Variants in CEP112 observed in about 807,000 individuals in gnomAD.
CEP112 encodes the protein centrosomal protein of 112 kDa.
A neutral mutation model predicts 153.0 loss-of-function variants in CEP112; 127 were observed. The observed-to-expected ratio is 0.83, with a 90% CI of 0.72 to 0.96. CEP112 has a LOEUF of 0.96. CEP112 is among the 40% of genes least tolerant of loss of function. The pLI is 0.00. For synonymous variants in CEP112, 358 were observed against 374.4 expected, an observed-to-expected ratio of 0.96 and a Z score of 0.51; for missense variants, 1,089 against 1,101.2, an observed-to-expected ratio of 0.99 and a Z score of 0.16.
intron 20 of CEP112, among the ~76,000 whole-genome samples, chr17:65,892,249 A>T (rs2059494207): frequency 6.6e-6 from 1 of 152,208 alleles, no homozygotes; most frequent in Non-Finnish European, 1.5e-5. Flanking sequence ...AATGAAATGA[A>T]GTTGAAAAAA....
chr17:65,826,145 T>A (rs759102227), intron 21 of CEP112: 4 of 1,613,894 alleles, frequency 2.5e-6, no homozygotes, highest in Non-Finnish European at 3.4e-6. Flanking sequence ...TACCTTCTTC[T>A]CTTTGAGGTT....
intron 11 of CEP112, among the ~76,000 whole-genome samples, chr17:66,058,998 AAAT>A (rs1262221818): frequency 1.3e-5 from 2 of 152,200 alleles, no homozygotes; most frequent in Non-Finnish European, 2.9e-5. Flanking sequence ...GAGAACCCAG[AAAT>A]AATGATGCAC....
At chr17:65,848,148 C>G (rs2057794912) in intron 21 of CEP112, among the ~76,000 whole-genome samples, 1 of 152,166 alleles carries the variant, frequency 6.6e-6, no homozygotes, top group Non-Finnish European at 1.5e-5. Context: ...ATGTTCAGCC[C>G]CAAAATATAT....
chr17:66,089,543 A>C (rs1249867030), intron 8 of CEP112, among the ~76,000 whole-genome samples: 5 of 152,196 alleles, frequency 3.3e-5, no homozygotes, highest in African/African-American at 4.8e-5. Flanking sequence ...GAAAAGAAAA[A>C]TATAACAGCA....
intron 18 of CEP112, 48 bp downstream of exon 18, chr17:65,961,415 C>T (rs1231753523): frequency 6.5e-7 from 1 of 1,527,370 alleles, no homozygotes; most frequent in East Asian, 2.3e-5. Flanking sequence ...ATGTACCTTC[C>T]TACTGAGAGA....
intron 21 of CEP112, among the ~76,000 whole-genome samples, chr17:65,789,676 T>C (rs1214958470): frequency 8.0e-6 from 1 of 125,498 alleles, no homozygotes; most frequent in African/African-American, 2.9e-5. Flanking sequence ...CTTAATCATC[T>C]TGCAATAATC....
chr17:65,925,918 G>A (rs912234868), intron 19 of CEP112, among the ~76,000 whole-genome samples: 2 of 152,154 alleles, frequency 1.3e-5, no homozygotes, highest in Non-Finnish European at 2.9e-5. Context: ...TATGAAATAA[G>A]CCTTTTTTGT....
At chr17:66,119,444 C>T (rs1343866583) in intron 6 of CEP112, among the ~76,000 whole-genome samples, 2 of 152,164 alleles carry the variant, frequency 1.3e-5, no homozygotes, top group African/African-American at 4.8e-5. Context: ...ATAGTTTTAC[C>T]ATTTCCACAA....
At chr17:65,855,181 T>G (rs59433754) in intron 20 of CEP112, among the ~76,000 whole-genome samples, 1 of 152,146 alleles carries the variant, frequency 6.6e-6, no homozygotes, top group Non-Finnish European at 1.5e-5. Flanking sequence ...AGAAAACCGC[T>G]GTAAGAAGGT....
chr17:66,146,088 T>C (rs2146644722), intron 4 of CEP112, among the ~76,000 whole-genome samples: 1 of 152,192 alleles, frequency 6.6e-6, no homozygotes, highest in Middle Eastern at 3.4e-3. Context: ...TCTTGTAAGG[T>C]CTTTGTCTTC....
At chr17:66,030,578 T>C (rs2065421416) in intron 12 of CEP112, among the ~76,000 whole-genome samples, 1 of 152,194 alleles carries the variant, frequency 6.6e-6, no homozygotes. Context: ...TTATTCATTT[T>C]TTAACATCTT....
intron 21 of CEP112, among the ~76,000 whole-genome samples, chr17:65,785,502 A>G (rs1367196533): frequency 1.3e-5 from 2 of 152,224 alleles, no homozygotes; most frequent in Admixed American, 6.5e-5. Flanking sequence ...GATTACATCC[A>G]GTCTAATGGG....
chr17:65,641,283 CTTTA>C (rs1239875575), intron 24 of CEP112, among the ~76,000 whole-genome samples: 2 of 152,154 alleles, frequency 1.3e-5, no homozygotes, highest in Non-Finnish European at 2.9e-5. Flanking sequence ...TGTAACAATG[CTTTA>C]TTTATTTAAA....
At chr17:65,837,818 T>G (rs2057377987) in intron 21 of CEP112, among the ~76,000 whole-genome samples, 1 of 152,240 alleles carries the variant, frequency 6.6e-6, no homozygotes, top group African/African-American at 2.4e-5. Flanking sequence ...AAACATGTGC[T>G]GTGTCCACTA....
At chr17:65,999,829 T>G (rs2145371477) in intron 17 of CEP112, among the ~76,000 whole-genome samples, 1 of 152,312 alleles carries the variant, frequency 6.6e-6, no homozygotes, top group East Asian at 1.9e-4. Context: ...TATTTGGTTT[T>G]CTGTTCCCGC....
At chr17:66,010,883 T>G (rs748999462) in intron 16 of CEP112, among the ~76,000 whole-genome samples, 1 of 152,100 alleles carries the variant, frequency 6.6e-6, no homozygotes, top group Non-Finnish European at 1.5e-5. Flanking sequence ...AAGATTTTTG[T>G]ATCAATGTTT....
rs181799093 is a variant in CEP112 at position 66,053,481 on chromosome 17, C to T, written c.1218+255G>A. Among the ~76,000 whole-genome samples, 592 of 145,752 alleles carry T rather than the reference C, an allele frequency of 4.1e-3. 2 individuals carry two copies. The highest frequency in any genetic ancestry group is 0.012 in the African/African-American group (456 of 39,364). On this transcript the variant is annotated intron_variant, in intron 12 of 26. Coordinates refer to ENST00000535342, the MANE Select transcript of CEP112 (RefSeq NM_001199165.4). ...CAGCCTGGGTGACAGGGTGAGACTC[C>T]GTCTCAAAAAATAAAAGTAAAAATA...
chr17:66,190,611 T>C (rs2073128560), intron 1 of CEP112, among the ~76,000 whole-genome samples: 1 of 152,196 alleles, frequency 6.6e-6, no homozygotes, highest in South Asian at 2.1e-4. Flanking sequence ...CAAGACTGTC[T>C]CAAAAAAATA....
intron 6 of CEP112, among the ~76,000 whole-genome samples, chr17:66,109,990 C>T (rs1414951800): frequency 6.6e-6 from 1 of 152,148 alleles, no homozygotes; most frequent in East Asian, 1.9e-4. Context: ...AAAACCCCAT[C>T]TCTACTAAAA....
Sources: gnomAD v4.1 joint callset for allele counts (sites outside exome capture counted in the v4.1 genomes callset) on GRCh38, gnomAD v4.1.1 for gene constraint, MANE v1.5 for transcripts, NCBI Gene and HGNC (gene_info 2026-07-23, HGNC 2026-07-21) for gene names.